Variants in CHCHD3 observed in about 807,000 individuals in gnomAD.
CHCHD3 encodes the protein coiled-coil-helix-coiled-coil-helix domain containing 3.
In CHCHD3, 20 loss-of-function variants were observed where a neutral mutation model predicts 38.2. The ratio of observed to expected loss-of-function variants is 0.52; its 90% confidence interval spans 0.37 to 0.76. The LOEUF (loss-of-function observed/expected upper bound fraction) is 0.76. CHCHD3 is among the 30% of genes least tolerant of loss of function. The pLI, the probability that CHCHD3 is intolerant of heterozygous loss-of-function variation, is 0.00. For synonymous variants in CHCHD3, 82 were observed against 100.0 expected (o/e 0.82, Z 1.07); for missense variants, 245 against 279.2 (o/e 0.88, Z 0.87).
chr7:133,035,961 G>T lies in CHCHD3; in HGVS notation c.170-11334C>A. On this transcript the variant is annotated intron_variant, in intron 2 of 7. Transcript: ENST00000262570. The surrounding 1 kb of genome is among the most constrained non-coding windows in gnomAD (Gnocchi z 4.7). Reference sequence around the variant, plus strand: ...AAAGGCTGGATCCAGTCTTAAAAGTGTTATCAGGTAGGGGTCCTTAGGGGA... The same window carrying T: ...AAAGGCTGGATCCAGTCTTAAAAGTTTTATCAGGTAGGGGTCCTTAGGGGA... 7.1e-7 allele frequency: 1 copy of T among 1,400,308 alleles called. No individual in the cohort carries two copies. The highest frequency in any genetic ancestry group is 1.0e-6 in the Non-Finnish European group (1 of 1,001,396). The allele number at this position is 1,400,308 out of a possible 1,614,324, so 86.7% of individuals were successfully genotyped here.
chr7:132,868,343 T>C (rs1041611939), intron 5 of CHCHD3, among the ~76,000 whole-genome samples: 2 of 152,184 alleles, frequency 1.3e-5, no homozygotes, highest in Admixed American at 1.3e-4. Flanking sequence ...ACTTAAAGAC[T>C]GGAGTTTTTT....
At chr7:132,808,957 T>C (rs921397758) in intron 6 of CHCHD3, among the ~76,000 whole-genome samples, 3 of 146,826 alleles carry the variant, frequency 2.0e-5, no homozygotes, top group Non-Finnish European at 3.0e-5. Flanking sequence ...TTTTAAATTA[T>C]TATTTTTCTT....
At chr7:133,032,152 A>T (rs1390324536) in intron 2 of CHCHD3, among the ~76,000 whole-genome samples, 1 of 152,214 alleles carries the variant, frequency 6.6e-6, no homozygotes, top group Non-Finnish European at 1.5e-5. Context: ...CATGTTTATT[A>T]TCCATTTGTG....
intron 6 of CHCHD3, among the ~76,000 whole-genome samples, chr7:132,834,328 C>T (rs1236320089): frequency 1.3e-5 from 2 of 152,078 alleles, no homozygotes; most frequent in Admixed American, 1.3e-4. Flanking sequence ...CAAAATACAA[C>T]ATTCTAGGAA....
At chr7:132,981,328 A>G (rs1420165187) in intron 3 of CHCHD3, among the ~76,000 whole-genome samples, 1 of 152,136 alleles carries the variant, frequency 6.6e-6, no homozygotes, top group Non-Finnish European at 1.5e-5. Context: ...CATTTTTAAC[A>G]TGAGAAAAAC....
In CHCHD3 at chr7:132,988,937, T is replaced by TA. The variant is rs574309836; in HGVS notation, c.252-13652dup. On this transcript the variant is annotated intron_variant, in intron 3 of 7. Coordinates refer to ENST00000262570, the MANE Select transcript of CHCHD3 (RefSeq NM_017812.4). ...CTGTCTCTTAAAAAAATAAAGAAAATAAAAAAATAGTAACACAATTTTTAA... is the reference window on the plus strand; with the variant it reads ...CTGTCTCTTAAAAAAATAAAGAAAATAAAAAAAATAGTAACACAATTTTTAA... Among the ~76,000 whole-genome samples the TA allele has an allele frequency of 1.2e-4, 18 of 151,808 alleles. No homozygotes were observed. The East Asian group carries it at 3.3e-3, about 28-fold the overall frequency.
At chr7:132,940,024 G>A (rs997609520) in intron 4 of CHCHD3, among the ~76,000 whole-genome samples, 21 of 152,072 alleles carry the variant, frequency 1.4e-4, no homozygotes, top group African/African-American at 9.7e-5. Flanking sequence ...GTGAGTGATC[G>A]AAGGAAAAAA....
chr7:132,840,326 G>C (rs1328911200), intron 5 of CHCHD3, among the ~76,000 whole-genome samples: 1 of 152,196 alleles, frequency 6.6e-6, no homozygotes, highest in Non-Finnish European at 1.5e-5. Flanking sequence ...CACTAAAGAT[G>C]AGAAACTCCC....
rs577429022 is a variant in CHCHD3, at chr7:133,068,089, C to G, written c.169+2053G>C. On this transcript the variant is annotated intron_variant, in intron 2 of 7. Coordinates refer to ENST00000262570, the MANE Select transcript of CHCHD3 (RefSeq NM_017812.4). Reference sequence around the variant, plus strand: ...CAAGATCACGCCACTGCACTCCAGCCTGGGAGACAGCGAGACTCCATCTCA... The same window carrying G: ...CAAGATCACGCCACTGCACTCCAGCGTGGGAGACAGCGAGACTCCATCTCA... Among the ~76,000 whole-genome samples the G allele has an allele frequency of 3.3e-5, 5 of 151,692 alleles. No individual in the cohort carries two copies. In the East Asian group the frequency reaches 9.7e-4, roughly 29 times the overall value.
intron 5 of CHCHD3, among the ~76,000 whole-genome samples, chr7:132,875,204 G>A (rs1214541484): frequency 6.6e-6 from 1 of 152,122 alleles, no homozygotes; most frequent in African/African-American, 2.4e-5. Flanking sequence ...GGCTCTAAGT[G>A]TACGTAACTT....
intron 2 of CHCHD3, among the ~76,000 whole-genome samples, chr7:133,029,408 C>G (rs1403465768): frequency 6.6e-6 from 1 of 152,178 alleles, no homozygotes; most frequent in Non-Finnish European, 1.5e-5. Context: ...TTCCCCATCC[C>G]ACATCCCCTG....
At chr7:132,866,594 A>G (rs1259928854) in intron 5 of CHCHD3, among the ~76,000 whole-genome samples, 1 of 152,298 alleles carries the variant, frequency 6.6e-6, no homozygotes, top group East Asian at 1.9e-4. Context: ...TTCACTGGAT[A>G]AGGAATTTTT....
intron 4 of CHCHD3, among the ~76,000 whole-genome samples, chr7:132,965,632 T>C (rs1811444454): frequency 6.6e-6 from 1 of 152,100 alleles, no homozygotes; most frequent in South Asian, 2.1e-4. Context: ...ATGTAACCTA[T>C]GGATAGGTAA....
At chr7:133,010,255 T>C (rs1032254757) in intron 3 of CHCHD3, among the ~76,000 whole-genome samples, 3 of 151,862 alleles carry the variant, frequency 2.0e-5, no homozygotes, top group African/African-American at 7.3e-5. Context: ...AGAGTGGGGG[T>C]CACCTAGCCT....
intron 5 of CHCHD3, among the ~76,000 whole-genome samples, chr7:132,868,223 A>G (rs911221056): frequency 6.6e-6 from 1 of 152,246 alleles, no homozygotes; most frequent in African/African-American, 2.4e-5. Context: ...AGGTAGAAGC[A>G]GCAAAGCTGA....
chr7:132,911,233 T>C (rs974022147), intron 4 of CHCHD3, among the ~76,000 whole-genome samples: 3 of 151,942 alleles, frequency 2.0e-5, no homozygotes, highest in Non-Finnish European at 2.9e-5. Context: ...TAAAAACTAA[T>C]AGGAACAATA....
chr7:132,886,355 C>T (rs1264430659), intron 4 of CHCHD3, among the ~76,000 whole-genome samples: 2 of 151,750 alleles, frequency 1.3e-5, no homozygotes, highest in African/African-American at 4.8e-5. Flanking sequence ...TTTCAATTTA[C>T]AAGATTTTTT....
intron 6 of CHCHD3, among the ~76,000 whole-genome samples, chr7:132,800,312 G>A (rs1461419587): frequency 2.0e-5 from 3 of 152,078 alleles, no homozygotes; most frequent in African/African-American, 4.8e-5. Flanking sequence ...AAAGAGAAAC[G>A]AAAACAGTTT....
chr7:132,878,076 A>T (rs139942162), intron 5 of CHCHD3, among the ~76,000 whole-genome samples: 1 of 152,222 alleles, frequency 6.6e-6, no homozygotes, highest in East Asian at 1.9e-4. Flanking sequence ...CCAAAAAACG[A>T]CTGTTTATAT....
Sources: gnomAD v4.1 joint callset for allele counts (sites outside exome capture counted in the v4.1 genomes callset) on GRCh38, gnomAD v4.1.1 for gene constraint, Gnocchi (gnomAD v3.1) non-coding constraint, MANE v1.5 for transcripts, NCBI Gene and HGNC (gene_info 2026-07-23, HGNC 2026-07-21) for gene names.